BCAP29: variants seen among roughly 807,000 people sequenced by gnomAD.
BCAP29 encodes B cell receptor associated protein 29.
Under a neutral mutation model 31.8 loss-of-function variants are expected in BCAP29, and 34 were observed. That is an observed-to-expected ratio of 1.07 (90% CI 0.81 to 1.42). The LOEUF (loss-of-function observed/expected upper bound fraction) is 1.42. Among genes scored for constraint, BCAP29 ranks in the 40% most tolerant of loss-of-function variants. BCAP29 has a pLI of 0.00. For synonymous variants in BCAP29, 104 were observed against 91.3 expected, an observed-to-expected ratio of 1.14 and a Z score of -0.79; for missense variants, 314 against 269.2, an observed-to-expected ratio of 1.17 and a Z score of -1.16.
chr7:107,596,305 C>T (rs2129239617), intron 5 of BCAP29, among the ~76,000 whole-genome samples: 1 of 152,254 alleles, frequency 6.6e-6, no homozygotes, highest in South Asian at 2.1e-4. Context: ...TTAATTCCTT[C>T]ATTACCGTTA....
intron 3 of BCAP29, 146 bp downstream of exon 3, chr7:107,584,128 A>G: frequency 2.3e-6 from 1 of 439,596 alleles, no homozygotes. Context: ...ATCTATTGAT[A>G]CACAGTTGAT....
chr7:107,612,287 A>T (rs897536761), intron 6 of BCAP29, among the ~76,000 whole-genome samples: 14 of 151,110 alleles, frequency 9.3e-5, no homozygotes, highest in African/African-American at 3.4e-4. Flanking sequence ...AAAGCACTAT[A>T]TGAGATAAAA....
intron 6 of BCAP29, among the ~76,000 whole-genome samples, chr7:107,604,525 A>G (rs1811727459): frequency 6.6e-6 from 1 of 151,952 alleles, no homozygotes; most frequent in Admixed American, 6.6e-5. Context: ...AATAAATTCT[A>G]AGTTTACCCT....
At chr7:107,600,691 T>C (rs1811017580) in intron 6 of BCAP29, among the ~76,000 whole-genome samples, 186 bp downstream of exon 6, 1 of 152,238 alleles carries the variant, frequency 6.6e-6, no homozygotes, top group Non-Finnish European at 1.5e-5. Flanking sequence ...AAACATGCTC[T>C]GTTATACAGA....
At chr7:107,609,300 G>A (rs902777802) in intron 6 of BCAP29, among the ~76,000 whole-genome samples, 1 of 152,170 alleles carries the variant, frequency 6.6e-6, no homozygotes, top group Non-Finnish European at 1.5e-5. Context: ...GGCCTCATAT[G>A]CCCTGTTTGT....
rs1289128845 is a variant in BCAP29, at chr7:107,602,225, CAT to C, written c.589+1724_589+1725del. Among the ~76,000 whole-genome samples the C allele has an allele frequency of 4.6e-5, 7 of 152,226 alleles. 1 individual carries two copies. In the East Asian group the frequency reaches 1.2e-3, roughly 25 times the overall value. On this transcript the variant is annotated intron_variant, in intron 6 of 7. Transcript: ENST00000005259. ...TGTGTCCTGTTTGGTTCCAGCAAGA[CAT>C]ATAATATTTTATGAACATGTTTTAT...
At chr7:107,601,482 A>C (rs1811169036) in intron 6 of BCAP29, among the ~76,000 whole-genome samples, 1 of 152,210 alleles carries the variant, frequency 6.6e-6, no homozygotes, top group African/African-American at 2.4e-5. Flanking sequence ...TGAAAAAAAG[A>C]AGACAGTTCA....
At chr7:107,591,656 A>ACACACTCACACACACACACACACACC in intron 3 of BCAP29, among the ~76,000 whole-genome samples, 1 of 136,076 alleles carries the variant, frequency 7.3e-6, no homozygotes, top group East Asian at 2.2e-4. Flanking sequence ...ACACACACAC[A>ACACACTCACACACACACACACACACC]CCCTATTGGT....
intron 5 of BCAP29, among the ~76,000 whole-genome samples, chr7:107,599,261 T>A: frequency 8.9e-6 from 1 of 112,318 alleles, no homozygotes; most frequent in East Asian, 2.1e-4. Context: ...ATATAATTTT[T>A]ATATATATAT....
chr7:107,584,052 T>G, intron 3 of BCAP29, 70 bp downstream of exon 3: 1 of 874,404 alleles, frequency 1.1e-6, no homozygotes, highest in Non-Finnish European at 1.7e-6. Context: ...ATTAATAGAG[T>G]TGATGTTACA....
intron 6 of BCAP29, among the ~76,000 whole-genome samples, chr7:107,604,150 A>C (rs1189660990): frequency 6.6e-6 from 1 of 152,170 alleles, no homozygotes; most frequent in Non-Finnish European, 1.5e-5. Flanking sequence ...TTAGTCCCCT[A>C]CTTAAAATAA....
intron 7 of BCAP29, chr7:107,613,826 T>A: frequency 1.1e-6 from 1 of 892,782 alleles, no homozygotes; most frequent in Non-Finnish European, 1.8e-6. Context: ...CTCAGTGTTT[T>A]AGACATATTA....
intron 6 of BCAP29, among the ~76,000 whole-genome samples, chr7:107,600,747 T>C (rs1375700237): frequency 6.6e-6 from 1 of 152,254 alleles, no homozygotes; most frequent in East Asian, 1.9e-4. Context: ...ACAGATGTTC[T>C]TGCCTTAGCA....
chr7:107,582,098 A>G (rs555515645), intron 2 of BCAP29, among the ~76,000 whole-genome samples: 72 of 152,222 alleles, frequency 4.7e-4, no homozygotes, highest in Non-Finnish European at 6.8e-4. Flanking sequence ...AATATTTGCA[A>G]TGATAGAATC....
chr7:107,580,626 G>A, intron 1 of BCAP29, 133 bp from the exon 2 acceptor site: 1 of 615,902 alleles, frequency 1.6e-6, no homozygotes. Flanking sequence ...CCTGACCGGG[G>A]TCCGTGCTTG....
downstream of BCAP29, chr7:107,620,579 C>G (rs1271979289): frequency 6.6e-6 from 1 of 152,206 alleles, no homozygotes; most frequent in African/African-American, 2.4e-5. Context: ...GTTATTCTTG[C>G]CTTTTTCCAT....
At chr7:107,587,775 A>G (rs1585058304) in intron 3 of BCAP29, 1 of 152,100 alleles carries the variant, frequency 6.6e-6, no homozygotes, top group African/African-American at 2.4e-5. Context: ...TAAGCAGACT[A>G]ATTTATATAG....
chr7:107,618,601 A>G lies in BCAP29; in HGVS notation c.*238A>G. The stretch of plus-strand genomic sequence containing the variant: ...AGCATGTTAAATACCATATTTACAT[A>G]TTGATAATGTCATTGGTATATGGTG... On this transcript the variant is annotated 3_prime_UTR_variant, in exon 8 of 8. Transcript: ENST00000005259. The G allele has an allele frequency of 6.4e-7, 1 of 1,574,774 alleles. No homozygotes were observed. Among genetic ancestry groups the G allele is most frequent in the Non-Finnish European group, 8.7e-7 (1 of 1,152,580 alleles).
At chr7:107,596,371 TTAAAG>T (rs1223464247) in intron 5 of BCAP29, among the ~76,000 whole-genome samples, 3 of 152,216 alleles carry the variant, frequency 2.0e-5, no homozygotes, top group Non-Finnish European at 2.9e-5. Context: ...TCTTTTTCAG[TTAAAG>T]TATTTTTAAG....
Sources: gnomAD v4.1 joint callset for allele counts (sites outside exome capture counted in the v4.1 genomes callset) on GRCh38, gnomAD v4.1.1 for gene constraint, MANE v1.5 for transcripts, NCBI Gene and HGNC (gene_info 2026-07-23, HGNC 2026-07-21) for gene names.